NUP98: variants seen among roughly 807,000 people sequenced by gnomAD.
The protein encoded by NUP98 is nuclear pore complex protein Nup98-Nup96.
NUP98 carries 26 observed loss-of-function variants against 191.9 expected under a neutral mutation model. The ratio of observed to expected loss-of-function variants is 0.14; its 90% confidence interval spans 0.10 to 0.19. The LOEUF (loss-of-function observed/expected upper bound fraction) is 0.19, where lower values mean the gene tolerates loss of function less well. Ranked by LOEUF, NUP98 falls within the 10% of genes least tolerant of loss-of-function variation. The pLI, the probability that NUP98 is intolerant of heterozygous loss-of-function variation, is 1.00. For missense variants in NUP98, 1,941 were observed against 2,178.8 expected (o/e 0.89, Z 2.17); for synonymous variants, 808 against 778.4 (o/e 1.04, Z -0.63).
At chr11:3,786,415 C>T (rs1218614962) in intron 1 of NUP98, among the ~76,000 whole-genome samples, 1 of 152,100 alleles carries the variant, frequency 6.6e-6, no homozygotes, top group Non-Finnish European at 1.5e-5. Context: ...CAAAGATTAA[C>T]CTTTCTCCTT....
At chr11:3,735,855 GTGTA>G (rs1179901791) in intron 12 of NUP98, among the ~76,000 whole-genome samples, 2 of 149,106 alleles carry the variant, frequency 1.3e-5, no homozygotes, top group Non-Finnish European at 3.0e-5. Context: ...GTGTGCGTGC[GTGTA>G]TGTAATTGTC....
At chr11:3,678,136 TAA>T (rs76077592) in intron 31 of NUP98, among the ~76,000 whole-genome samples, 25 of 103,316 alleles carry the variant, frequency 2.4e-4, no homozygotes, top group Admixed American at 3.0e-4. Flanking sequence ...AAACTCTGCC[TAA>T]AAAAAAAAAA....
chr11:3,693,837 A>G (rs1256922807), intron 26 of NUP98, among the ~76,000 whole-genome samples: 1 of 152,254 alleles, frequency 6.6e-6, no homozygotes, highest in Admixed American at 6.5e-5. Context: ...TTCTGAAAAT[A>G]CTTTAAGATA....
intron 28 of NUP98, among the ~76,000 whole-genome samples, chr11:3,690,605 C>A (rs1336866043): frequency 6.6e-6 from 1 of 152,138 alleles, no homozygotes; most frequent in African/African-American, 2.4e-5. Context: ...CACATATACA[C>A]ACACAAACCA....
intron 20 of NUP98, among the ~76,000 whole-genome samples, chr11:3,710,341 G>C (rs2078994290): frequency 6.6e-6 from 1 of 152,220 alleles, no homozygotes; most frequent in Admixed American, 6.5e-5. Context: ...AGGTACAGGA[G>C]AGAAGATCAC....
chr11:3,743,039 G>A (rs1481690830), intron 12 of NUP98, among the ~76,000 whole-genome samples: 1 of 151,448 alleles, frequency 6.6e-6, no homozygotes, highest in Non-Finnish European at 1.5e-5. Flanking sequence ...TTTTTGTTGA[G>A]ACGGACTCCC....
At chr11:3,688,958 G>A (rs938852572) in intron 28 of NUP98, among the ~76,000 whole-genome samples, 13 of 151,752 alleles carry the variant, frequency 8.6e-5, no homozygotes, top group Non-Finnish European at 8.8e-5. Flanking sequence ...TCTCTGCTGC[G>A]TGCAGTGGCT....
chr11:3,780,434 G>A (rs1256946220), intron 2 of NUP98, among the ~76,000 whole-genome samples: 1 of 149,790 alleles, frequency 6.7e-6, no homozygotes, highest in Non-Finnish European at 1.5e-5. Flanking sequence ...CCCAGCTACC[G>A]GGGAGGCTGA....
In NUP98 at chr11:3,748,741, C is replaced by T. The variant is rs189930952; in HGVS notation, c.1268-4092G>A. ...GAAAAGAAAAGCCTTCCTTAATTTG[C>T]CCGTACCAAAGCTATTTTTTCCTAC... On this transcript the variant is annotated intron_variant, in intron 11 of 32. Transcript: ENST00000324932. Among the ~76,000 whole-genome samples the T allele has an allele frequency of 3.1e-3, 471 of 152,172 alleles. 3 individuals carry two copies. The highest frequency in any genetic ancestry group is 0.01 in the Middle Eastern group (3 of 294).
intron 26 of NUP98, among the ~76,000 whole-genome samples, chr11:3,693,953 A>G (rs1403570917): frequency 6.6e-6 from 1 of 152,178 alleles, no homozygotes; most frequent in Non-Finnish European, 1.5e-5. Context: ...AATGCCAGCC[A>G]GGCACTGTGG....
At chr11:3,696,332 T>G (rs536912553) in intron 25 of NUP98, among the ~76,000 whole-genome samples, 13 of 152,116 alleles carry the variant, frequency 8.5e-5, no homozygotes, top group African/African-American at 2.9e-4. Context: ...TGAAACTTTG[T>G]CTCTACTAAA....
chr11:3,711,779 C>G, intron 20 of NUP98: 4 of 851,768 alleles, frequency 4.7e-6, no homozygotes, highest in Non-Finnish European at 5.8e-6. Context: ...CCACATTTAT[C>G]ATACCCTCCC....
chr11:3,737,323 A>C (rs1265504486), intron 12 of NUP98, among the ~76,000 whole-genome samples: 1 of 45,212 alleles, frequency 2.2e-5, no homozygotes, highest in Non-Finnish European at 4.6e-5. Flanking sequence ...AGTAATAACA[A>C]AAAAAAAAAA....
chr11:3,746,958 A>G (rs1386081565), intron 11 of NUP98, among the ~76,000 whole-genome samples: 1 of 152,098 alleles, frequency 6.6e-6, no homozygotes, highest in Admixed American at 6.6e-5. Flanking sequence ...TTGTCTGTAA[A>G]GGGATTATCA....
At chr11:3,766,905 A>G (rs1374152047) in intron 8 of NUP98, among the ~76,000 whole-genome samples, 1 of 152,164 alleles carries the variant, frequency 6.6e-6, no homozygotes, top group Non-Finnish European at 1.5e-5. Context: ...ATTAATGATC[A>G]TATGTTGAAC....
rs374411269 is a variant in NUP98 at position 3,706,427 on chromosome 11, G to C, written c.2925+18C>G. ...TAGTTTGGCTTTCTGTTACAAAAAA[G>C]GTGGGTTAGAACTTCACCTGTAAGA... is the stretch of plus-strand genomic sequence containing the variant. On this transcript the variant is annotated intron_variant, in intron 21 of 32. Transcript: ENST00000324932. 3.1e-6 allele frequency: 5 copies of C among 1,611,848 alleles called. 1 individual carries two copies. The South Asian group carries it at 3.3e-5, about 11-fold the overall frequency.
At chr11:3,773,764 T>A (rs202052173) in intron 5 of NUP98, 25 bp from the exon 6 acceptor site, 9 of 1,441,354 alleles carry the variant, frequency 6.2e-6, no homozygotes, top group Non-Finnish European at 8.8e-6. Flanking sequence ...AAAGGCAAAT[T>A]TGTAGGTCCA....
chr11:3,791,186 C>T (rs1489669648), intron 1 of NUP98, among the ~76,000 whole-genome samples: 15 of 152,126 alleles, frequency 9.9e-5, no homozygotes, highest in Middle Eastern at 3.4e-3. Flanking sequence ...TGAGCCACTG[C>T]GCCCCGCCCA....
At chr11:3,729,878 C>CG (rs2079777093) in intron 14 of NUP98, among the ~76,000 whole-genome samples, 1 of 152,008 alleles carries the variant, frequency 6.6e-6, no homozygotes, top group South Asian at 2.1e-4. Flanking sequence ...AAGCTGATCT[C>CG]GAGCTACTGA....
Sources: gnomAD v4.1 joint callset for allele counts (sites outside exome capture counted in the v4.1 genomes callset) on GRCh38, gnomAD v4.1.1 for gene constraint, MANE v1.5 for transcripts, NCBI Gene and HGNC (gene_info 2026-07-23, HGNC 2026-07-21) for gene names.